Variants in PTPRN2 observed in about 807,000 individuals in gnomAD.
PTPRN2 encodes protein tyrosine phosphatase receptor type N2.
In PTPRN2, 74 loss-of-function variants were observed where a neutral mutation model predicts 118.8. The ratio of observed to expected loss-of-function variants is 0.62; its 90% CI spans 0.52 to 0.76. The LOEUF (loss-of-function observed/expected upper bound fraction) is 0.76. Among genes scored for constraint, PTPRN2 ranks in the 30% least tolerant of loss-of-function variants. The pLI is 0.00. For synonymous variants in PTPRN2, 641 were observed against 608.0 expected (o/e 1.05, Z -0.80); for missense variants, 1,481 against 1,394.4 (o/e 1.06, Z -0.99).
chr7:157,621,404 C>T lies in PTPRN2; in HGVS notation c.2302G>A (p.Glu768Lys). The change falls in exon 15 of 23, where the codon GAG becomes AAG. Residue 768 changes from glutamate (E) to lysine (K), a missense_variant. Physicochemically the swap from Glu to Lys is moderately conservative, Grantham distance 56. Transcript: ENST00000389418. The stretch of plus-strand genomic sequence containing the variant: ...GAGCGGTTCTTGGGCACGTTCTCCT[C>T]CCTCTGGGCCACGAACGAGCTGTTG... ...EPNSSFVAQR[E>K]ENVPKNRSLA... The T allele has an allele frequency of 1.9e-6, 3 of 1,614,122 alleles. No homozygotes were observed. Among genetic ancestry groups the T allele is most frequent in the Non-Finnish European group, 2.5e-6 (3 of 1,180,040 alleles).
chr7:158,410,968 G>C (rs1814027002), intron 2 of PTPRN2, among the ~76,000 whole-genome samples: 1 of 152,288 alleles, frequency 6.6e-6, no homozygotes, highest in Admixed American at 6.5e-5. Flanking sequence ...AAGCACCCAG[G>C]TGACCCCAGA....
intron 3 of PTPRN2, among the ~76,000 whole-genome samples, chr7:158,282,750 C>G (rs190823553): frequency 6.8e-6 from 1 of 147,046 alleles, no homozygotes; most frequent in Non-Finnish European, 1.5e-5. Context: ...CAGACACAGA[C>G]GGCTCATCCC....
intron 19 of PTPRN2, 61 bp downstream of exon 19, chr7:157,576,552 C>G (rs943972955): frequency 6.9e-7 from 1 of 1,455,226 alleles, no homozygotes; most frequent in Non-Finnish European, 9.2e-7. Context: ...GCACCGAAGC[C>G]TCGCTCCCCT....
chr7:158,387,696 G>A (rs941005828), intron 2 of PTPRN2, among the ~76,000 whole-genome samples: 4 of 152,166 alleles, frequency 2.6e-5, no homozygotes, highest in Non-Finnish European at 4.4e-5. Flanking sequence ...AATGGTGCTG[G>A]ATGGTCTCAT....
intron 1 of PTPRN2, among the ~76,000 whole-genome samples, chr7:158,573,769 A>C (rs1012255522): frequency 6.6e-6 from 1 of 152,186 alleles, no homozygotes; most frequent in East Asian, 1.9e-4. Flanking sequence ...GATGTCCTAA[A>C]AATTAAGCTT....
At chr7:158,169,459 T>TTTA in intron 5 of PTPRN2, among the ~76,000 whole-genome samples, 1 of 151,234 alleles carries the variant, frequency 6.6e-6, no homozygotes, top group East Asian at 1.9e-4. Context: ...TGTGTGTGTT[T>TTTA]TAGTAGAAAT....
At chr7:157,549,108 G>A in intron 21 of PTPRN2, 89 bp from the exon 22 acceptor site, 1 of 1,260,060 alleles carries the variant, frequency 7.9e-7, no homozygotes, top group Non-Finnish European at 1.2e-6. Context: ...GTTCCCTCTG[G>A]GCTGAGAGGC....
chr7:157,776,372 T>C (rs1197379072), intron 12 of PTPRN2, among the ~76,000 whole-genome samples: 4 of 36,962 alleles, frequency 1.1e-4, no homozygotes, highest in African/African-American at 2.1e-4. Context: ...CTCCTCTCTC[T>C]TCTTCCTCAC....
At chr7:158,328,579 G>A (rs767883256) in intron 2 of PTPRN2, among the ~76,000 whole-genome samples, 12 of 152,318 alleles carry the variant, frequency 7.9e-5, no homozygotes, top group South Asian at 6.2e-4. Context: ...CACCCACAGC[G>A]GGAGCCTCAC....
chr7:157,840,333 G>A (rs1335143844), intron 12 of PTPRN2, among the ~76,000 whole-genome samples: 16 of 122,610 alleles, frequency 1.3e-4, no homozygotes, highest in African/African-American at 1.8e-4. Flanking sequence ...GTGTGACCGC[G>A]TGTGACGTGT....
intron 5 of PTPRN2, among the ~76,000 whole-genome samples, chr7:158,172,352 G>A (rs1294526692): frequency 6.6e-6 from 1 of 152,122 alleles, no homozygotes; most frequent in Non-Finnish European, 1.5e-5. Flanking sequence ...CAACTCAGAG[G>A]AGGAACTTGA....
chr7:158,271,507 T>A (rs1798513193), intron 3 of PTPRN2, among the ~76,000 whole-genome samples: 1 of 152,156 alleles, frequency 6.6e-6, no homozygotes, highest in Non-Finnish European at 1.5e-5. Context: ...AGAGTCCACA[T>A]GCACGGGACG....
At position 157,764,744 on chromosome 7, in the gene PTPRN2, T is replaced by TA. The variant is rs1802343853; in HGVS notation, c.1789-81808dup. Among the ~76,000 whole-genome samples, 2 of 152,058 alleles carry TA rather than the reference T, an allele frequency of 1.3e-5. No homozygotes were observed. Among genetic ancestry groups the TA allele is most frequent in the African/African-American group, 4.8e-5 (2 of 41,382 alleles). On this transcript the variant is annotated intron_variant, in intron 12 of 22. Transcript: ENST00000389418. This position sits in a 1 kb window ranked among gnomAD's most constrained non-coding sequence, Gnocchi z 4.5. ...TATATATTTTACCACAATAAAAAAT[T>TA]AAAAAATAAAAGAGTGAGAGACTGC...
chr7:158,467,894 G>C (rs766786701), intron 2 of PTPRN2, among the ~76,000 whole-genome samples: 1 of 152,142 alleles, frequency 6.6e-6, no homozygotes, highest in African/African-American at 2.4e-5. Flanking sequence ...TTGCTGTTGC[G>C]TTTGTTACAC....
rs554088094 is a variant in PTPRN2, at chr7:158,517,004, C to T, written c.113-27219G>A. On this transcript the variant is annotated intron_variant, in intron 1 of 22. Coordinates refer to ENST00000389418, the MANE Select transcript of PTPRN2 (RefSeq NM_002847.5). The surrounding 1 kb of genome is among the most constrained non-coding windows in gnomAD (Gnocchi z 5.3). ...TAAACCGTAGCCCAGCAGAACCACT[C>T]GTGAGTCCTGTGATTCCTTCCAAAC... 5.3e-5 allele frequency among the ~76,000 whole-genome samples: 8 copies of T among 152,310 alleles called. No homozygotes were observed. Among genetic ancestry groups the T allele is most frequent in the Non-Finnish European group, 8.8e-5 (6 of 68,024 alleles).
intron 3 of PTPRN2, among the ~76,000 whole-genome samples, chr7:158,240,553 C>T (rs543353218): frequency 6.6e-6 from 1 of 152,140 alleles, no homozygotes; most frequent in Non-Finnish European, 1.5e-5. Context: ...CTCGGCCTCC[C>T]AAGTAGATGG....
chr7:158,313,074 GTATC>G (rs774755547), intron 3 of PTPRN2, among the ~76,000 whole-genome samples: 4 of 151,846 alleles, frequency 2.6e-5, no homozygotes, highest in Non-Finnish European at 5.9e-5. Flanking sequence ...CTGCGTGTGG[GTATC>G]TACATGTGAG....
chr7:157,713,437 A>T (rs1798751375), intron 12 of PTPRN2, among the ~76,000 whole-genome samples: 1 of 152,180 alleles, frequency 6.6e-6, no homozygotes, highest in South Asian at 2.1e-4. Context: ...AAATTTATCT[A>T]ACGGCATGAT....
rs117885722 is a variant in PTPRN2 at position 158,248,185 on chromosome 7, G to A, written c.278-42912C>T. On this transcript the variant is annotated intron_variant, in intron 3 of 22. Coordinates refer to ENST00000389418, the MANE Select transcript of PTPRN2 (RefSeq NM_002847.5). ...CCAGGCGGGTCATGCTGTCCTTCCA[G>A]GAGCGGCCCCACCCCTTCCGTCTTG... Among the ~76,000 whole-genome samples the A allele has an allele frequency of 7.5e-4, 114 of 152,302 alleles. 3 individuals carry two copies. The East Asian group carries it at 0.018, about 24-fold the overall frequency.
Sources: gnomAD v4.1 joint callset for allele counts (sites outside exome capture counted in the v4.1 genomes callset) on GRCh38, gnomAD v4.1.1 for gene constraint, Gnocchi (gnomAD v3.1) non-coding constraint, MANE v1.5 for transcripts, NCBI Gene and HGNC (gene_info 2026-07-23, HGNC 2026-07-21) for gene names.